Variants in LAMB4 observed in about 807,000 individuals in gnomAD.
LAMB4 encodes the protein laminin subunit beta-4.
Under a neutral mutation model 199.2 loss-of-function variants are expected in LAMB4, and 196 were observed. That is an observed-to-expected ratio of 0.98 (90% confidence interval 0.88 to 1.11). The LOEUF is 1.11. LAMB4 is among the 50% of genes least tolerant of loss of function. The pLI is 0.00. For synonymous variants in LAMB4, 744 were observed against 770.6 expected (o/e 0.97, Z 0.57); for missense variants, 2,080 against 2,171.2 (o/e 0.96, Z 0.83).
chr7:108,078,126 C>T (rs1024132671), intron 16 of LAMB4, 75 bp downstream of exon 16: 2 of 958,842 alleles, frequency 2.1e-6, no homozygotes, highest in African/African-American at 3.2e-5. Context: ...CCACTTAGTT[C>T]CCAGAAACAA....
the LAMB4 span, among the ~76,000 whole-genome samples, chr7:108,013,101 T>C: frequency 6.6e-6 from 1 of 152,234 alleles, no homozygotes; most frequent in Non-Finnish European, 1.5e-5. Flanking sequence ...TCAGAGCACA[T>C]TGTAGCTGTG....
intron 18 of LAMB4, 52 bp downstream of exon 18, chr7:108,069,656 G>C: frequency 6.6e-7 from 1 of 1,523,816 alleles, no homozygotes; most frequent in Non-Finnish European, 9.0e-7. Context: ...GCTCCAAAAA[G>C]CATTTGTATG....
intron 11 of LAMB4, among the ~76,000 whole-genome samples, chr7:108,096,939 CAAAAAAAAAAAAAAAA>C (rs746917278): frequency 2.8e-4 from 15 of 52,822 alleles, no homozygotes; most frequent in South Asian, 1.9e-3. Context: ...CTGTCTCTCT[CAAAAAAAAAAAAAAAA>C]AAAAAAAAAA....
intron 30 of LAMB4, among the ~76,000 whole-genome samples, chr7:108,036,515 C>T (rs1399581695): frequency 1.3e-5 from 2 of 152,208 alleles, no homozygotes; most frequent in Admixed American, 6.5e-5. Flanking sequence ...AATTGCTGTG[C>T]AGTTAATCTT....
chr7:108,033,047 G>C (rs890776257), intron 31 of LAMB4, among the ~76,000 whole-genome samples: 1 of 151,858 alleles, frequency 6.6e-6, no homozygotes, highest in Non-Finnish European at 1.5e-5. Context: ...CAACTACCAG[G>C]GTTCCTTAAG....
chr7:108,103,116 G>C lies in LAMB4; in HGVS notation c.1108C>G (p.His370Asp). Residue 370 changes from histidine to aspartate, a missense_variant, in exon 10 of 34, where the codon CAC (histidine) becomes GAC (aspartate). Transcript: ENST00000388781. ...AAGAGGGGTCTGCAGCGGTCGCAGT[G>C]CTGCCCCTCAGTGTTGTGCTGGCAG... ...EDCQHNTEGQ[H>D]CDRCRPLFYR... 2 of 1,613,834 alleles carry C rather than the reference G, an allele frequency of 1.2e-6. No individual in the cohort carries two copies. The highest frequency in any genetic ancestry group is 1.7e-6 in the Non-Finnish European group (2 of 1,179,842).
Position 108,107,656 on chromosome 7 carries a change from T to G in LAMB4, c.566A>C (p.Asp189Ala). ...GDIVCDSKYS[D>A]IEPSTGGEVV... ...CTCTCCACCTGTTGAGGGTTCAATA[T>G]CCGAGTATTTGGAGTCACAAACAAT... is the stretch of plus-strand genomic sequence containing the variant. The change falls in exon 6 of 34, where the codon GAT becomes GCT. Residue 189 changes from aspartate to alanine, a missense_variant. Asp to Ala is a moderately radical substitution (Grantham distance 126, BLOSUM62 -2). Transcript: ENST00000388781. The G allele has an allele frequency of 6.2e-7, 1 of 1,610,684 alleles. No individual in the cohort carries two copies. Among genetic ancestry groups the G allele is most frequent in the Non-Finnish European group, 8.5e-7 (1 of 1,179,074 alleles).
chr7:108,126,384 C>G (rs111968928), intron 1 of LAMB4, among the ~76,000 whole-genome samples: 4 of 152,086 alleles, frequency 2.6e-5, no homozygotes, highest in African/African-American at 7.2e-5. Context: ...CATGTCTCCC[C>G]GAGCCCCTGG....
chr7:108,092,508 C>G, intron 12 of LAMB4, 92 bp from the exon 13 acceptor site: 1 of 926,274 alleles, frequency 1.1e-6, no homozygotes, highest in African/African-American at 1.6e-5. Flanking sequence ...AATTGCCACA[C>G]GTCAAATAGC....
At chr7:108,075,011 T>C (rs1015128673) in intron 17 of LAMB4, among the ~76,000 whole-genome samples, 1 of 152,206 alleles carries the variant, frequency 6.6e-6, no homozygotes, top group East Asian at 1.9e-4. Flanking sequence ...AACAGTAATA[T>C]CCCTTAGTGA....
chr7:108,065,418 G>T (rs1225555618), intron 21 of LAMB4, among the ~76,000 whole-genome samples: 1 of 152,040 alleles, frequency 6.6e-6, no homozygotes, highest in Non-Finnish European at 1.5e-5. Context: ...TTAGTTGCTT[G>T]TTATATATAA....
At position 108,023,976 on chromosome 7, in the gene LAMB4, C is replaced by A; in HGVS notation, c.*63G>T. 7.0e-7 allele frequency: 1 copy of A among 1,431,574 alleles called. No homozygotes were observed. The highest frequency in any genetic ancestry group is 9.4e-7 in the Non-Finnish European group (1 of 1,060,048). 88.7% of individuals were successfully genotyped at this position (1,431,574 alleles called of 1,614,324 possible). Reference sequence around the variant, plus strand: ...TCAGTATTTCACAGGTTCAACAGAGCCCCAGGGGCTTGTACATCAGAAACC... The same window carrying A: ...TCAGTATTTCACAGGTTCAACAGAGACCCAGGGGCTTGTACATCAGAAACC... On this transcript the variant is annotated 3_prime_UTR_variant, in exon 34 of 34. Coordinates refer to ENST00000388781, the MANE Select transcript of LAMB4 (RefSeq NM_007356.3).
At chr7:108,098,787 A>G (rs2037720869) in intron 10 of LAMB4, among the ~76,000 whole-genome samples, 1 of 152,210 alleles carries the variant, frequency 6.6e-6, no homozygotes, top group Non-Finnish European at 1.5e-5. Flanking sequence ...CCATGCATAT[A>G]TTTTTAAAAG....
At chr7:108,123,954 G>A (rs542700440) in intron 1 of LAMB4, among the ~76,000 whole-genome samples, 1 of 152,240 alleles carries the variant, frequency 6.6e-6, no homozygotes, top group East Asian at 1.9e-4. Flanking sequence ...TTCTGATCCA[G>A]AGTGGAGTAC....
the LAMB4 span, among the ~76,000 whole-genome samples, chr7:108,013,501 C>T: frequency 6.6e-6 from 1 of 152,112 alleles, no homozygotes; most frequent in African/African-American, 2.4e-5. Context: ...TCAGTGACTG[C>T]TCTCTACTGT....
rs142563239 is a variant in LAMB4, at chr7:108,032,488, G to T, written c.4819-1509C>A. On this transcript the variant is annotated intron_variant, in intron 31 of 33. Coordinates refer to ENST00000388781, the MANE Select transcript of LAMB4 (RefSeq NM_007356.3). ...TAGGTTTTAAGGTTGTTCCTTTGGA[G>T]AGGATTTTTGTTTGCCTCTGCCAGG... Among the ~76,000 whole-genome samples the T allele has an allele frequency of 4.3e-3, 657 of 152,300 alleles. 6 individuals carry two copies. Among genetic ancestry groups the T allele is most frequent in the African/African-American group, 0.014 (601 of 41,564 alleles).
chr7:108,128,369 T>C (rs1021418327), intron 1 of LAMB4, among the ~76,000 whole-genome samples: 3 of 152,122 alleles, frequency 2.0e-5, no homozygotes, highest in Admixed American at 6.5e-5. Flanking sequence ...ATTGAGTGTG[T>C]AGAGGCCAGG....
At chr7:108,096,722 A>C (rs1431217703) in intron 11 of LAMB4, among the ~76,000 whole-genome samples, 1 of 150,570 alleles carries the variant, frequency 6.6e-6, no homozygotes, top group Non-Finnish European at 1.5e-5. Context: ...GCTTGGGATC[A>C]GGAGTTGAAG....
intron 17 of LAMB4, among the ~76,000 whole-genome samples, chr7:108,071,068 C>G (rs368001994): frequency 6.6e-6 from 1 of 152,160 alleles, no homozygotes; most frequent in African/African-American, 2.4e-5. Flanking sequence ...CAAAACTCTT[C>G]TGCATATTAT....
Sources: gnomAD v4.1 joint callset for allele counts (sites outside exome capture counted in the v4.1 genomes callset) on GRCh38, gnomAD v4.1.1 for gene constraint, MANE v1.5 for transcripts, NCBI Gene and HGNC (gene_info 2026-07-23, HGNC 2026-07-21) for gene names.